The following ST6GALNAC5 variants were observed in gnomAD, a reference collection of about 807,000 sequenced individuals.
ST6GALNAC5 encodes the protein ST6 N-acetylgalactosaminide alpha-2,6-sialyltransferase 5, also known as alpha-N-acetylgalactosaminide alpha-2,6-sialyltransferase 5.
A neutral mutation model predicts 33.6 loss-of-function variants in ST6GALNAC5; 27 were observed. That is an observed-to-expected ratio of 0.80 (90% CI 0.59 to 1.11). The LOEUF is 1.11. Ranked by LOEUF, ST6GALNAC5 falls within the 50% of genes least tolerant of loss-of-function variation. The probability of loss-of-function intolerance (pLI) is 0.00; values close to 1 mark genes in which losing one functional copy is unlikely to be tolerated. For synonymous variants in ST6GALNAC5, 194 were observed against 171.2 expected (o/e 1.13, Z -1.04); for missense variants, 428 against 454.0 (o/e 0.94, Z 0.52).
At chr1:76,928,177 A>G (rs982439007) in intron 2 of ST6GALNAC5, among the ~76,000 whole-genome samples, 12 of 152,078 alleles carry the variant, frequency 7.9e-5, no homozygotes, top group African/African-American at 2.9e-4. Context: ...TTTTACTACC[A>G]CCTCTATTGT....
intron 2 of ST6GALNAC5, among the ~76,000 whole-genome samples, chr1:77,021,403 G>A (rs192169542): frequency 7.9e-5 from 12 of 152,220 alleles, no homozygotes; most frequent in Middle Eastern, 3.4e-3. Context: ...TCTGGAATTA[G>A]CAAATGATTC....
intron 2 of ST6GALNAC5, among the ~76,000 whole-genome samples, chr1:77,024,280 A>G (rs1651155082): frequency 1.3e-5 from 2 of 152,168 alleles, no homozygotes; most frequent in South Asian, 4.1e-4. Context: ...ACCAAACCGC[A>G]TGTTGGTGAG....
intron 3 of ST6GALNAC5, among the ~76,000 whole-genome samples, chr1:77,045,315 C>A (rs1455774321): frequency 6.6e-6 from 1 of 152,132 alleles, no homozygotes; most frequent in Non-Finnish European, 1.5e-5. Flanking sequence ...CAGCATTCAT[C>A]CCACATAGTA....
chr1:76,868,352 C>T lies in ST6GALNAC5; in HGVS notation c.16-145C>T. On this transcript the variant is annotated intron_variant, in intron 1 of 4. Transcript: ENST00000477717. This position sits in a 1 kb window ranked among gnomAD's most constrained non-coding sequence, Gnocchi z 4.3. Reference sequence around the variant, plus strand: ...CGCTAGGGGACGGTGCTTTCTCTGTCCCAGTTGCGTGCGGCGGGGCTGGGG... The same window carrying T: ...CGCTAGGGGACGGTGCTTTCTCTGTTCCAGTTGCGTGCGGCGGGGCTGGGG... 7.8e-7 allele frequency: 1 copy of T among 1,274,932 alleles called. No individual in the cohort carries two copies. Among genetic ancestry groups the T allele is most frequent in the Non-Finnish European group, 1.1e-6 (1 of 951,118 alleles). 79.0% of individuals were successfully genotyped at this position (1,274,932 alleles called of 1,614,324 possible).
At position 77,025,993 on chromosome 1, in the gene ST6GALNAC5, C is replaced by T. The variant is rs554355667; in HGVS notation, c.262-18211C>T. ...AGAAGATTATTCTCCAAGATTTTCT[C>T]TTAGGAGGCAGCACCACAAAATGGA... On this transcript the variant is annotated intron_variant, in intron 2 of 4. Coordinates refer to ENST00000477717, the MANE Select transcript of ST6GALNAC5 (RefSeq NM_030965.3). Among the ~76,000 whole-genome samples the T allele has an allele frequency of 5.1e-3, 772 of 152,326 alleles. 7 individuals carry two copies. Among genetic ancestry groups the T allele is most frequent in the Non-Finnish European group, 6.5e-3 (445 of 68,032 alleles).
chr1:77,051,572 G>A (rs1364137160), intron 4 of ST6GALNAC5, among the ~76,000 whole-genome samples: 2 of 152,168 alleles, frequency 1.3e-5, no homozygotes, highest in South Asian at 2.1e-4. Flanking sequence ...TCAAAGGGCT[G>A]TAGGCAGAGT....
In ST6GALNAC5 at chr1:77,066,923, A is replaced by G. The variant is rs1652798118; in HGVS notation, c.*3717A>G. ...AACTAAAGATCTATCTGGGAAACAG[A>G]TTTGGGGTAGGTCCTGCCAGAGTAA... is the stretch of plus-strand genomic sequence containing the variant. On this transcript the variant is annotated 3_prime_UTR_variant, in exon 5 of 5. Coordinates refer to ENST00000477717, the MANE Select transcript of ST6GALNAC5 (RefSeq NM_030965.3). 6.6e-6 allele frequency among the ~76,000 whole-genome samples: 1 copy of G among 152,116 alleles called. No individual in the cohort carries two copies. Among genetic ancestry groups the G allele is most frequent in the Non-Finnish European group, 1.5e-5 (1 of 68,014 alleles).
chr1:76,988,341 T>C (rs1649591897), intron 2 of ST6GALNAC5, among the ~76,000 whole-genome samples: 1 of 152,128 alleles, frequency 6.6e-6, no homozygotes, highest in African/African-American at 2.4e-5. Context: ...ATTAAATTAT[T>C]CACTCTATGG....
chr1:76,956,308 G>C (rs193166052), intron 2 of ST6GALNAC5, among the ~76,000 whole-genome samples: 33 of 151,854 alleles, frequency 2.2e-4, no homozygotes, highest in Admixed American at 1.8e-3. Flanking sequence ...GCATAGGTAA[G>C]AGCCATATAA....
At chr1:76,903,290 A>T (rs1181430376) in intron 2 of ST6GALNAC5, among the ~76,000 whole-genome samples, 1 of 152,168 alleles carries the variant, frequency 6.6e-6, no homozygotes, top group Non-Finnish European at 1.5e-5. Context: ...AAAGATTCTC[A>T]ACATCATTAG....
At chr1:76,890,027 G>A (rs1358213511) in intron 2 of ST6GALNAC5, among the ~76,000 whole-genome samples, 1 of 152,042 alleles carries the variant, frequency 6.6e-6, no homozygotes, top group Non-Finnish European at 1.5e-5. Flanking sequence ...TTGCAGATGT[G>A]TATGTTTATC....
intron 2 of ST6GALNAC5, among the ~76,000 whole-genome samples, chr1:76,991,810 C>G (rs1190768190): frequency 6.7e-6 from 1 of 150,126 alleles, no homozygotes; most frequent in African/African-American, 2.5e-5. Flanking sequence ...TTAAGCATTC[C>G]CAAACAACCT....
At chr1:76,890,305 G>A (rs772168587) in intron 2 of ST6GALNAC5, among the ~76,000 whole-genome samples, 2 of 151,994 alleles carry the variant, frequency 1.3e-5, no homozygotes, top group Non-Finnish European at 2.9e-5. Flanking sequence ...CAGAACCAAG[G>A]ACAAAACAGA....
chr1:77,021,188 A>T (rs1169196819), intron 2 of ST6GALNAC5, among the ~76,000 whole-genome samples: 1 of 152,228 alleles, frequency 6.6e-6, no homozygotes, highest in African/African-American at 2.4e-5. Flanking sequence ...TTAAAAAAGT[A>T]GTCAAACCAG....
chr1:77,025,367 T>C (rs1570110023), intron 2 of ST6GALNAC5, among the ~76,000 whole-genome samples: 1 of 152,192 alleles, frequency 6.6e-6, no homozygotes, highest in East Asian at 1.9e-4. Flanking sequence ...ATCCCCTCTT[T>C]ACTAAAAACA....
At chr1:77,050,817 C>A (rs1261424333) in intron 4 of ST6GALNAC5, among the ~76,000 whole-genome samples, 1 of 152,220 alleles carries the variant, frequency 6.6e-6, no homozygotes, top group Admixed American at 6.5e-5. Context: ...CCTGGGCTTG[C>A]ACTTCTAAGG....
intron 2 of ST6GALNAC5, among the ~76,000 whole-genome samples, chr1:76,885,672 C>CGCT (rs1191009548): frequency 1.3e-5 from 2 of 152,190 alleles, no homozygotes; most frequent in African/African-American, 4.8e-5. Flanking sequence ...TTGATACTTA[C>CGCT]GCTAAATTAT....
At chr1:76,949,971 A>G (rs1157707785) in intron 2 of ST6GALNAC5, among the ~76,000 whole-genome samples, 1 of 152,170 alleles carries the variant, frequency 6.6e-6, no homozygotes, top group Non-Finnish European at 1.5e-5. Context: ...AGGACTTTCT[A>G]GAAGACAGAG....
At chr1:76,985,301 G>A (rs915883417) in intron 2 of ST6GALNAC5, among the ~76,000 whole-genome samples, 3 of 152,164 alleles carry the variant, frequency 2.0e-5, no homozygotes, top group African/African-American at 7.2e-5. Context: ...AAGCTGATAA[G>A]CAACTTCAGC....
Sources: allele counts gnomAD v4.1 joint callset (sites outside exome capture counted in the v4.1 genomes callset), GRCh38; gene constraint gnomAD v4.1.1; non-coding constraint Gnocchi (gnomAD v3.1); transcripts MANE v1.5; gene names NCBI Gene and HGNC (gene_info 2026-07-23, HGNC 2026-07-21).